The following FGD3 variants were observed in gnomAD, a reference collection of about 807,000 sequenced individuals.
FGD3 encodes the protein FYVE, RhoGEF and PH domain-containing protein 3.
FGD3 carries 45 observed loss-of-function variants against 71.8 expected under a neutral mutation model. The ratio of observed to expected loss-of-function variants is 0.63; its 90% CI spans 0.49 to 0.80. FGD3 has a LOEUF of 0.80. FGD3 is among the 30% of genes least tolerant of loss of function. FGD3 has a pLI of 0.00. For missense variants in FGD3, 844 were observed against 951.5 expected (o/e 0.89, Z 1.49); for synonymous variants, 378 against 392.8 (o/e 0.96, Z 0.44).
At chr9:93,023,225 C>T (rs1386408597) in intron 14 of FGD3, among the ~76,000 whole-genome samples, 1 of 152,208 alleles carries the variant, frequency 6.6e-6, no homozygotes, top group Non-Finnish European at 1.5e-5. Flanking sequence ...GCCCTAGCCC[C>T]ATCCAAGACG....
rs1202586870 is a variant in FGD3, at chr9:93,002,955, G to T, written c.484G>T (p.Ala162Ser). 1 of 1,613,970 alleles carries T rather than the reference G, an allele frequency of 6.2e-7. No individual in the cohort carries two copies. The highest frequency in any genetic ancestry group is 8.5e-7 in the Non-Finnish European group (1 of 1,180,034). ...HSGPQKLLHI[A>S]QELLHTEETY... The stretch of plus-strand genomic sequence containing the variant: ...TGGCCCCCAGAAGCTTCTCCACATT[G>T]CCCAGGAGCTCCTGCACACCGAGGA... Residue 162 changes from alanine (A) to serine (S), a missense_variant, in exon 4 of 18, where the codon GCC (alanine) becomes TCC (serine). Physicochemically the swap from Ala to Ser is moderately conservative, Grantham distance 99. Coordinates refer to ENST00000375482, the MANE Select transcript of FGD3 (RefSeq NM_001083536.2).
intron 1 of FGD3, among the ~76,000 whole-genome samples, chr9:92,957,337 A>T (rs1859075163): frequency 6.6e-6 from 1 of 152,212 alleles, no homozygotes; most frequent in Non-Finnish European, 1.5e-5. Context: ...TTTCACACTG[A>T]GAGTTACGTT....
intron 3 of FGD3, among the ~76,000 whole-genome samples, chr9:92,999,845 T>G (rs4744163): frequency 0.69 from 104,313 of 151,882 alleles, 37,252 homozygotes; most frequent in African/African-American, 0.9. Flanking sequence ...CCCTGCCTTG[T>G]CCTCTCAAAG....
intron 1 of FGD3, among the ~76,000 whole-genome samples, chr9:92,956,393 A>G (rs1859051281): frequency 2.6e-5 from 4 of 152,160 alleles, no homozygotes; most frequent in Admixed American, 2.0e-4. Context: ...AATCCCCAGT[A>G]CCTCCGAATG....
At chr9:93,018,822 G>A (rs1015526339) in intron 11 of FGD3, among the ~76,000 whole-genome samples, 10 of 152,156 alleles carry the variant, frequency 6.6e-5, no homozygotes, top group Admixed American at 5.2e-4. Flanking sequence ...GGCCCAGCAC[G>A]TTCTTAGTCC....
At chr9:93,030,125 T>C (rs1862300277) in intron 15 of FGD3, 129 bp downstream of exon 15, 1 of 1,085,804 alleles carries the variant, frequency 9.2e-7, no homozygotes, top group South Asian at 1.6e-5. Flanking sequence ...TTCCTGATCC[T>C]GGCTCATGGA....
chr9:93,010,400 G>C lies in FGD3; in HGVS notation c.976+16G>C. Reference sequence around the variant, plus strand: ...GATGCGGAGAGTGAGCTGGGGCCAAGGGCTCCCAGGAGGGTGCAGGGGCAC... The same window carrying C: ...GATGCGGAGAGTGAGCTGGGGCCAACGGCTCCCAGGAGGGTGCAGGGGCAC... On this transcript the variant is annotated intron_variant, in intron 7 of 17. Coordinates refer to ENST00000375482, the MANE Select transcript of FGD3 (RefSeq NM_001083536.2). 6.3e-7 allele frequency: 1 copy of C among 1,598,690 alleles called. No individual in the cohort carries two copies. Among genetic ancestry groups the C allele is most frequent in the South Asian group, 1.1e-5 (1 of 90,216 alleles).
intron 14 of FGD3, among the ~76,000 whole-genome samples, chr9:93,026,699 C>T (rs1184800206): frequency 6.6e-6 from 1 of 152,242 alleles, no homozygotes; most frequent in Non-Finnish European, 1.5e-5. Context: ...TCCCACTGGT[C>T]CTCAGAGGCC....
chr9:92,999,535 C>A (rs1025689319), intron 3 of FGD3, among the ~76,000 whole-genome samples: 1 of 151,376 alleles, frequency 6.6e-6, no homozygotes, highest in Admixed American at 6.6e-5. Flanking sequence ...TCTAATGCGT[C>A]GCTTATGCTG....
intron 3 of FGD3, among the ~76,000 whole-genome samples, chr9:93,002,354 C>T (rs1291470319): frequency 1.3e-5 from 2 of 152,036 alleles, no homozygotes; most frequent in African/African-American, 2.4e-5. Context: ...GAGGCTGAGG[C>T]GGGCAGATAG....
At chr9:93,008,517 G>GATCA (rs1320041908) in intron 6 of FGD3, among the ~76,000 whole-genome samples, 2 of 152,228 alleles carry the variant, frequency 1.3e-5, no homozygotes, top group African/African-American at 4.8e-5. Flanking sequence ...TCCACAGTTT[G>GATCA]ATTGAGGCTG....
chr9:92,997,523 T>G (rs1860693937), intron 3 of FGD3, among the ~76,000 whole-genome samples: 1 of 152,230 alleles, frequency 6.6e-6, no homozygotes, highest in Non-Finnish European at 1.5e-5. Context: ...ATTATGATGT[T>G]AGCTGGTTAT....
chr9:92,978,282 C>CAAAA (rs372703604), intron 3 of FGD3, among the ~76,000 whole-genome samples: 1 of 85,096 alleles, frequency 1.2e-5, no homozygotes, highest in Non-Finnish European at 2.3e-5. Context: ...AACTCCATCT[C>CAAAA]AAAAAAAAAA....
intron 1 of FGD3, among the ~76,000 whole-genome samples, chr9:92,957,677 CTTT>C (rs60726578): frequency 5.7e-4 from 58 of 102,206 alleles, no homozygotes; most frequent in African/African-American, 2.1e-3. Flanking sequence ...ATTTTCTTTT[CTTT>C]TTTTTTTTTT....
intron 3 of FGD3, among the ~76,000 whole-genome samples, chr9:92,995,407 A>G (rs1295385331): frequency 6.6e-6 from 1 of 152,230 alleles, no homozygotes; most frequent in African/African-American, 2.4e-5. Context: ...ATATACAATC[A>G]TGTCATCTGC....
chr9:93,010,379 C>A lies in FGD3; in HGVS notation c.971C>A (p.Ala324Glu). Residue 324 changes from alanine (A) to glutamate (E), a missense_variant, in exon 7 of 18, where the codon GCG becomes GAG. Transcript: ENST00000375482. ...LPQDAPDRKD[A>E]ERSLELISTA... ...CAGGACGCCCCAGACCGGAAGGATG[C>A]GGAGAGTGAGCTGGGGCCAAGGGCT... The A allele has an allele frequency of 6.2e-7, 1 of 1,605,496 alleles. No homozygotes were observed. The highest frequency in any genetic ancestry group is 8.5e-7 in the Non-Finnish European group (1 of 1,174,108).
intron 1 of FGD3, among the ~76,000 whole-genome samples, chr9:92,964,744 C>A (rs1175746459): frequency 1.3e-5 from 2 of 152,068 alleles, no homozygotes; most frequent in African/African-American, 4.8e-5. Context: ...ATGCAGGGAG[C>A]CTTTTTCCAT....
chr9:93,001,193 A>AT (rs887971721), intron 3 of FGD3, among the ~76,000 whole-genome samples: 5 of 150,978 alleles, frequency 3.3e-5, no homozygotes, highest in South Asian at 2.1e-4. Context: ...TCATTTCCTG[A>AT]TTTTTTTTTA....
At chr9:92,984,837 G>A (rs574431892) in intron 3 of FGD3, among the ~76,000 whole-genome samples, 1 of 150,504 alleles carries the variant, frequency 6.6e-6, no homozygotes, top group Non-Finnish European at 1.5e-5. Flanking sequence ...GAGGGAGGGA[G>A]TGCTATTTGC....
Sources: gnomAD v4.1 joint callset for allele counts (sites outside exome capture counted in the v4.1 genomes callset) on GRCh38, gnomAD v4.1.1 for gene constraint, MANE v1.5 for transcripts, NCBI Gene and HGNC (gene_info 2026-07-23, HGNC 2026-07-21) for gene names.